SPOCK3: variants seen among roughly 807,000 people sequenced by gnomAD.
SPOCK3 encodes the protein testican-3.
SPOCK3 carries 30 observed loss-of-function variants against 56.6 expected under a neutral mutation model. The ratio of observed to expected loss-of-function variants is 0.53; its 90% CI spans 0.40 to 0.72. The LOEUF (loss-of-function observed/expected upper bound fraction) is 0.72. Ranked by LOEUF, SPOCK3 falls within the 30% of genes least tolerant of loss-of-function variation. The pLI is 0.00. For missense variants in SPOCK3, 527 were observed against 530.0 expected (o/e 0.99, Z 0.06); for synonymous variants, 196 against 183.3 (o/e 1.07, Z -0.56).
chr4:167,186,749 G>C (rs1580553046), intron 2 of SPOCK3, among the ~76,000 whole-genome samples: 1 of 151,568 alleles, frequency 6.6e-6, no homozygotes, highest in East Asian at 2.0e-4. Flanking sequence ...GGCTGAGGCA[G>C]GTGGATAATC....
intron 5 of SPOCK3, among the ~76,000 whole-genome samples, chr4:166,890,747 G>A (rs1261232942): frequency 6.6e-6 from 1 of 151,942 alleles, no homozygotes; most frequent in Admixed American, 6.6e-5. Context: ...GGGGTGGAGA[G>A]TTCTACAGAT....
At chr4:166,754,772 C>T (rs1736857652) in intron 7 of SPOCK3, 43 bp from the exon 8 acceptor site, 1 of 1,601,146 alleles carries the variant, frequency 6.2e-7, no homozygotes. Context: ...ATATGAAAGA[C>T]ACCATTAGCA....
At chr4:166,741,420 G>A (rs1318417220) in intron 9 of SPOCK3, among the ~76,000 whole-genome samples, 1 of 152,124 alleles carries the variant, frequency 6.6e-6, no homozygotes, top group Non-Finnish European at 1.5e-5. Context: ...AAAATTGTAA[G>A]TTTATAAGAA....
At chr4:166,927,706 T>C (rs1031147608) in intron 4 of SPOCK3, among the ~76,000 whole-genome samples, 6 of 152,052 alleles carry the variant, frequency 3.9e-5, no homozygotes, top group Non-Finnish European at 7.4e-5. Context: ...GTATGATCCA[T>C]GAAAGAAAGA....
At chr4:167,099,069 G>A (rs1049397659) in intron 2 of SPOCK3, among the ~76,000 whole-genome samples, 5 of 151,858 alleles carry the variant, frequency 3.3e-5, no homozygotes, top group Non-Finnish European at 5.9e-5. Context: ...TGTCACATAG[G>A]ATGTGTAGAA....
At chr4:166,740,588 C>T (rs1734738805) in intron 9 of SPOCK3, among the ~76,000 whole-genome samples, 1 of 151,262 alleles carries the variant, frequency 6.6e-6, no homozygotes, top group East Asian at 2.0e-4. Context: ...TACGGTGGTG[C>T]CATCTCGGCT....
intron 6 of SPOCK3, among the ~76,000 whole-genome samples, chr4:166,821,186 T>C (rs1434114930): frequency 6.6e-6 from 1 of 152,056 alleles, no homozygotes; most frequent in East Asian, 1.9e-4. Flanking sequence ...AAAGAAGATA[T>C]GCAAATTTCT....
rs748620710 is a variant in SPOCK3, at chr4:166,737,616, A to C, written c.995-12T>G. On this transcript the variant is annotated splice_polypyrimidine_tract_variant and intron_variant, in intron 9 of 10. Coordinates refer to ENST00000357545, the MANE Select transcript of SPOCK3 (RefSeq NM_001040159.2). ...GGGGATATACTGTCCTGTTGAAACA[A>C]CACACAGGCATACAAACACACACAT... 1.2e-6 allele frequency: 2 copies of C among 1,601,724 alleles called. No homozygotes were observed. The highest frequency in any genetic ancestry group is 1.7e-6 in the Non-Finnish European group (2 of 1,174,756).
chr4:167,181,605 T>G (rs1731459222), intron 2 of SPOCK3, among the ~76,000 whole-genome samples: 1 of 152,184 alleles, frequency 6.6e-6, no homozygotes, highest in Non-Finnish European at 1.5e-5. Flanking sequence ...TCCGCTTCCT[T>G]CATTCCAGTC....
intron 3 of SPOCK3, 128 bp downstream of exon 3, chr4:167,062,364 A>T (rs1755690824): frequency 3.6e-6 from 2 of 561,752 alleles, no homozygotes; most frequent in Non-Finnish European, 3.0e-6. Flanking sequence ...TATTGCACAA[A>T]TTTTTCCATT....
chr4:166,797,717 A>G (rs945021803), intron 6 of SPOCK3, among the ~76,000 whole-genome samples: 2 of 152,194 alleles, frequency 1.3e-5, no homozygotes, highest in Non-Finnish European at 2.9e-5. Flanking sequence ...ATTCTAATGT[A>G]TATTAACAAT....
At chr4:167,118,161 A>C (rs1197359388) in intron 2 of SPOCK3, among the ~76,000 whole-genome samples, 1 of 152,148 alleles carries the variant, frequency 6.6e-6, no homozygotes, top group Non-Finnish European at 1.5e-5. Flanking sequence ...TTGCTAAGCA[A>C]TAATGTATTG....
intron 4 of SPOCK3, among the ~76,000 whole-genome samples, chr4:166,995,131 G>A (rs1356079600): frequency 6.6e-6 from 1 of 152,052 alleles, no homozygotes; most frequent in African/African-American, 2.4e-5. Flanking sequence ...AATAAATTAA[G>A]TGAATTCTCT....
At chr4:167,126,249 A>C (rs562139945) in intron 2 of SPOCK3, among the ~76,000 whole-genome samples, 69 of 152,304 alleles carry the variant, frequency 4.5e-4, no homozygotes, top group African/African-American at 1.5e-3. Context: ...TGAAGACCTC[A>C]CAATAAGTTC....
intron 2 of SPOCK3, among the ~76,000 whole-genome samples, chr4:167,171,813 A>G (rs1730522247): frequency 6.6e-6 from 1 of 152,034 alleles, no homozygotes; most frequent in Non-Finnish European, 1.5e-5. Context: ...TCATCTATTT[A>G]TATTCTCTTG....
intron 4 of SPOCK3, among the ~76,000 whole-genome samples, chr4:166,989,862 A>G (rs1388861975): frequency 6.6e-6 from 1 of 152,146 alleles, no homozygotes; most frequent in African/African-American, 2.4e-5. Context: ...TATTTCTTGG[A>G]TGATCATTCC....
chr4:166,948,389 C>T (rs1742054837), intron 4 of SPOCK3, among the ~76,000 whole-genome samples: 1 of 152,070 alleles, frequency 6.6e-6, no homozygotes, highest in Non-Finnish European at 1.5e-5. Flanking sequence ...AGTAAGATTG[C>T]TGGATCATAT....
At chr4:166,995,116 A>T (rs1748212514) in intron 4 of SPOCK3, among the ~76,000 whole-genome samples, 1 of 152,080 alleles carries the variant, frequency 6.6e-6, no homozygotes, top group Non-Finnish European at 1.5e-5. Context: ...CAAGTCTACC[A>T]ATTGAATAAA....
intron 2 of SPOCK3, among the ~76,000 whole-genome samples, chr4:167,125,401 A>C (rs1421773589): frequency 6.7e-6 from 1 of 149,566 alleles, no homozygotes; most frequent in Admixed American, 6.7e-5. Context: ...AGACAAAAAT[A>C]AAACGGTGCT....
Sources: allele counts gnomAD v4.1 joint callset (sites outside exome capture counted in the v4.1 genomes callset), GRCh38; gene constraint gnomAD v4.1.1; transcripts MANE v1.5; gene names NCBI Gene and HGNC (gene_info 2026-07-23, HGNC 2026-07-21).